Variants in PFKP observed in about 807,000 individuals in gnomAD.
PFKP encodes ATP-dependent 6-phosphofructokinase, platelet type.
In PFKP, 101 loss-of-function variants were observed where a neutral mutation model predicts 94.3. The observed-to-expected ratio is 1.07, with a 90% CI of 0.91 to 1.26. The LOEUF (loss-of-function observed/expected upper bound fraction) is 1.26. Among genes scored for constraint, PFKP ranks in the 50% most tolerant of loss-of-function variants. The pLI is 0.00. For synonymous variants in PFKP, 573 were observed against 432.6 expected (o/e 1.32, Z -4.03); for missense variants, 1,145 against 1,103.3 (o/e 1.04, Z -0.53).
rs74425936 is a variant in PFKP at position 3,103,712 on chromosome 10, C to T, written c.455-67C>T. The stretch of plus-strand genomic sequence containing the variant: ...TACCCATGGCCATTCTGCCTCACCC[C>T]TAGTGGGGCACCCCCCGAACGCGCC... On this transcript the variant is annotated intron_variant, in intron 4 of 21. Coordinates refer to ENST00000381125, the MANE Select transcript of PFKP (RefSeq NM_002627.5). The T allele has an allele frequency of 7.1e-6, 11 of 1,560,086 alleles. No individual in the cohort carries two copies. In the African/African-American group the frequency reaches 8.1e-5, roughly 12 times the overall value.
At chr10:3,107,893 C>T (rs936146260) in intron 8 of PFKP, 15 of 1,289,162 alleles carry the variant, frequency 1.2e-5, no homozygotes, top group Admixed American at 6.9e-5. Flanking sequence ...CTGCTGTAGA[C>T]GGGGCTGCAG....
Position 3,113,184 on chromosome 10 carries a change from C to T in PFKP, c.1220C>T (p.Pro407Leu). 6.2e-7 allele frequency: 1 copy of T among 1,611,862 alleles called. No homozygotes were observed. The highest frequency in any genetic ancestry group is 8.5e-7 in the Non-Finnish European group (1 of 1,179,068). The change falls in exon 12 of 22, where the codon CCA (proline) becomes CTA (leucine). Residue 407 changes from proline (P) to leucine (L), a missense_variant. Around this residue, in one of 3 missense-constraint regions of PFKP, gnomAD observed 1,119 missense variants for 1,062.8 expected, o/e 1.05. Transcript: ENST00000381125. ...LAIKLPDDQIPKTNCNVAVIN... is the reference protein window; with the variant it reads ...LAIKLPDDQILKTNCNVAVIN... Reference sequence around the variant, plus strand: ...ATCAAGCTGCCGGATGATCAGATCCCAAAGGTAGGTGGCCGGCCTCCCGCG... The same window carrying T: ...ATCAAGCTGCCGGATGATCAGATCCTAAAGGTAGGTGGCCGGCCTCCCGCG...
At chr10:3,124,553 G>A (rs1035893920) in intron 16 of PFKP, among the ~76,000 whole-genome samples, 1 of 152,194 alleles carries the variant, frequency 6.6e-6, no homozygotes. Flanking sequence ...CAGAGATGTG[G>A]CGTGGGGCTG....
intron 7 of PFKP, among the ~76,000 whole-genome samples, chr10:3,106,037 T>C (rs1464677933): frequency 6.6e-6 from 1 of 152,216 alleles, no homozygotes; most frequent in Non-Finnish European, 1.5e-5. Context: ...AGAAACCCAC[T>C]GTCTGGGCCC....
At chr10:3,111,086 G>A (rs894855287) in intron 10 of PFKP, among the ~76,000 whole-genome samples, 2 of 152,138 alleles carry the variant, frequency 1.3e-5, no homozygotes, top group East Asian at 3.9e-4. Context: ...GCATCTGCAT[G>A]TGTGTGCATG....
chr10:3,128,097 G>GGACA (rs1321089391), intron 16 of PFKP, among the ~76,000 whole-genome samples: 2 of 61,100 alleles, frequency 3.3e-5, no homozygotes, highest in Non-Finnish European at 5.2e-5. Context: ...CCGTTGACCA[G>GGACA]GACGGACGGA....
At chr10:3,087,740 C>T (rs1189744877) in intron 2 of PFKP, among the ~76,000 whole-genome samples, 1 of 152,054 alleles carries the variant, frequency 6.6e-6, no homozygotes, top group African/African-American at 2.4e-5. Flanking sequence ...CTCTCTGGCA[C>T]CCTCCCCACC....
At chr10:3,115,476 G>GCT (rs1564327806) in intron 13 of PFKP, among the ~76,000 whole-genome samples, 566 of 33,348 alleles carry the variant, frequency 0.017, 134 homozygotes, top group Middle Eastern at 0.068. Context: ...CCGCCATGGA[G>GCT]GACAGGACTG....
In PFKP at chr10:3,103,861, C is replaced by T. The variant is rs61760977; in HGVS notation, c.537C>T (p.Cys179=). The T allele has an allele frequency of 7.7e-4, 1,247 of 1,613,958 alleles. 3 individuals are homozygous for T. Among genetic ancestry groups the T allele is most frequent in the African/African-American group, 7.4e-3 (559 of 75,038 alleles). The change falls in exon 5 of 22, where the codon TGC becomes TGT. Residue 179 remains cysteine (C), a synonymous_variant. Coordinates refer to ENST00000381125, the MANE Select transcript of PFKP (RefSeq NM_002627.5). ...GMVGSIDNDF[C]GTDMTIGTDS... is the part of the protein sequence containing the mutation. ...TGGGCTCCATCGACAATGATTTCTG[C>T]GGCACCGACATGACCATCGGCACGG...
chr10:3,092,169 C>A (rs1398301462), intron 2 of PFKP, among the ~76,000 whole-genome samples: 1 of 152,174 alleles, frequency 6.6e-6, no homozygotes, highest in African/African-American at 2.4e-5. Flanking sequence ...GCAGCCCTGT[C>A]CCTGCACCCA....
chr10:3,108,690 T>C lies in PFKP; in HGVS notation c.871-11T>C. The C allele has an allele frequency of 6.2e-7, 1 of 1,610,222 alleles. No homozygotes were observed. Among genetic ancestry groups the C allele is most frequent in the Non-Finnish European group, 8.5e-7 (1 of 1,176,466 alleles). ...CACAGTTCCGCATCCTAACGAGATGTTTCCTTGCAGCTTGTCGTCACGCAG... is the reference window on the plus strand; with the variant it reads ...CACAGTTCCGCATCCTAACGAGATGCTTCCTTGCAGCTTGTCGTCACGCAG... On this transcript the variant is annotated splice_polypyrimidine_tract_variant and intron_variant, in intron 8 of 21. Coordinates refer to ENST00000381125, the MANE Select transcript of PFKP (RefSeq NM_002627.5).
Position 3,101,501 on chromosome 10 carries a change from C to G in PFKP, c.401C>G (p.Ala134Gly). The G allele has an allele frequency of 6.3e-7, 1 of 1,593,542 alleles. No individual in the cohort carries two copies. Among genetic ancestry groups the G allele is most frequent in the Non-Finnish European group, 8.6e-7 (1 of 1,169,194 alleles). The change falls in exon 4 of 22, where the codon GCC becomes GGC. Residue 134 changes from alanine to glycine, a missense_variant. Around this residue, in one of 3 missense-constraint regions of PFKP, gnomAD observed 1,119 missense variants for 1,062.8 expected, o/e 1.05. Transcript: ENST00000381125. ...VIGGDGSLTG[A>G]NLFRKEWSGL... ...GGCGGGGACGGGAGCCTCACCGGGG[C>G]CAACCTCTTCCGGAAGGAGTGGAGT...
chr10:3,110,277 C>A (rs534781445), intron 10 of PFKP, among the ~76,000 whole-genome samples: 4 of 151,790 alleles, frequency 2.6e-5, no homozygotes, highest in Non-Finnish European at 5.9e-5. Flanking sequence ...TGGCTCACTG[C>A]AAGCTCCGCC....
chr10:3,135,916 T>A, intron 21 of PFKP, 78 bp downstream of exon 21: 1 of 848,670 alleles, frequency 1.2e-6, no homozygotes, highest in Non-Finnish European at 2.0e-6. Flanking sequence ...GCTGTTGCTG[T>A]CGGCAACTCA....
intron 19 of PFKP, 35 bp from the exon 20 acceptor site, chr10:3,134,448 T>TA: frequency 1.7e-6 from 2 of 1,195,082 alleles, no homozygotes; most frequent in Non-Finnish European, 2.5e-6. Flanking sequence ...TGTTACTGTA[T>TA]AACTGGTATT....
intron 1 of PFKP, among the ~76,000 whole-genome samples, chr10:3,080,582 G>A (rs1416278152): frequency 6.6e-6 from 1 of 150,748 alleles, no homozygotes; most frequent in Admixed American, 6.6e-5. Flanking sequence ...CGGACGTAGT[G>A]TCAAAGTGTA....
At chr10:3,133,417 T>C (rs1048835869) in intron 19 of PFKP, 103 bp downstream of exon 19, 14 of 783,584 alleles carry the variant, frequency 1.8e-5, no homozygotes, top group Middle Eastern at 2.5e-4. Context: ...TATAAGTAAA[T>C]TCCAAGATGA....
intron 1 of PFKP, among the ~76,000 whole-genome samples, chr10:3,075,113 T>C (rs776045394): frequency 2.0e-5 from 3 of 152,234 alleles, no homozygotes; most frequent in Non-Finnish European, 4.4e-5. Context: ...TTAAGGCACA[T>C]ATCTCATGCT....
intron 17 of PFKP, among the ~76,000 whole-genome samples, chr10:3,131,681 A>G (rs1838607546): frequency 6.6e-6 from 1 of 150,688 alleles, no homozygotes; most frequent in Non-Finnish European, 1.5e-5. Context: ...CTGCTCTCAA[A>G]CTCCTGACCT....
Sources: allele counts gnomAD v4.1 joint callset (sites outside exome capture counted in the v4.1 genomes callset), GRCh38; gene constraint gnomAD v4.1.1; regional missense constraint gnomAD v4.1.1; transcripts MANE v1.5; gene names NCBI Gene and HGNC (gene_info 2026-07-23, HGNC 2026-07-21).